The following TRPM1 variants were observed in gnomAD, a reference collection of about 807,000 sequenced individuals.
TRPM1 encodes transient receptor potential cation channel subfamily M member 1, also known as TRPM1-203 APA Isoform, Intron 10.
Under a neutral mutation model 149.4 loss-of-function variants are expected in TRPM1, and 113 were observed. The observed-to-expected ratio is 0.76, with a 90% CI of 0.65 to 0.88. The LOEUF (loss-of-function observed/expected upper bound fraction) is 0.88. TRPM1 is among the 40% of genes least tolerant of loss of function. TRPM1 has a pLI of 0.00. For synonymous variants in TRPM1, 741 were observed against 759.5 expected, an observed-to-expected ratio of 0.98 and a Z score of 0.40; for missense variants, 1,976 against 2,038.7, an observed-to-expected ratio of 0.97 and a Z score of 0.59.
intron 27 of TRPM1, among the ~76,000 whole-genome samples, chr15:31,012,995 T>A (rs990822566): frequency 6.8e-6 from 1 of 147,752 alleles, no homozygotes; most frequent in Non-Finnish European, 1.5e-5. Flanking sequence ...TTTCTTTTTT[T>A]TTTTTGACAC....
intron 1 of TRPM1, among the ~76,000 whole-genome samples, chr15:31,113,287 C>T (rs2035728558): frequency 6.6e-6 from 1 of 152,196 alleles, no homozygotes; most frequent in African/African-American, 2.4e-5. Flanking sequence ...GCCTGCTCCT[C>T]CCTAACTCTC....
intron 1 of TRPM1, among the ~76,000 whole-genome samples, chr15:31,116,423 C>A (rs1036821795): frequency 5.3e-5 from 8 of 152,054 alleles, no homozygotes; most frequent in Non-Finnish European, 1.0e-4. Flanking sequence ...GTCTGGCCAA[C>A]ACGGCGAAAC....
At chr15:31,136,832 G>A (rs1166376932) in intron 1 of TRPM1, among the ~76,000 whole-genome samples, 1 of 136,148 alleles carries the variant, frequency 7.3e-6, no homozygotes, top group Non-Finnish European at 1.5e-5. Flanking sequence ...ATAAAGTATT[G>A]CCCAATTCTA....
At chr15:31,041,189 C>G (rs1272411030) in intron 17 of TRPM1, among the ~76,000 whole-genome samples, 2 of 151,542 alleles carry the variant, frequency 1.3e-5, no homozygotes, top group Non-Finnish European at 2.9e-5. Context: ...GAGTCTCACT[C>G]TATCACCCAG....
chr15:31,011,309 T>C (rs2140877418), intron 27 of TRPM1, among the ~76,000 whole-genome samples: 1 of 152,340 alleles, frequency 6.6e-6, no homozygotes, highest in South Asian at 2.1e-4. Flanking sequence ...TCTGCCATAC[T>C]GCTATTTATT....
rs751155272 is a variant in TRPM1 at position 31,030,998 on chromosome 15, C to T, written c.3112G>A (p.Ala1038Thr). 3 of 1,614,056 alleles carry T rather than the reference C, an allele frequency of 1.9e-6. No individual in the cohort carries two copies. The South Asian group carries it at 3.3e-5, about 18-fold the overall frequency. The change falls in exon 23 of 28, where the codon GCA (alanine) becomes ACA (threonine). Residue 1038 changes from alanine (A) to threonine (T), a missense_variant. By Grantham distance (58) the Ala-to-Thr change is moderately conservative (BLOSUM62 0). Transcript: ENST00000256552. The stretch of plus-strand genomic sequence containing the variant: ...CTACTCTTACGGTCTATCTGGTCTG[C>T]AAACACCTCTCCATAGATCATCCAG... ...PYWMIYGEVFADQIDLYAMEI... is the reference protein window; with the variant it reads ...PYWMIYGEVFTDQIDLYAMEI...
At chr15:31,015,809 C>T (rs1299063552) in intron 27 of TRPM1, among the ~76,000 whole-genome samples, 1 of 152,096 alleles carries the variant, frequency 6.6e-6, no homozygotes, top group East Asian at 1.9e-4. Context: ...ATCTTAACAC[C>T]CTATAGAGAT....
intron 1 of TRPM1, among the ~76,000 whole-genome samples, chr15:31,087,230 G>GGTTTT (rs1486533022): frequency 1.1e-5 from 1 of 87,468 alleles, no homozygotes; most frequent in Non-Finnish European, 2.3e-5. Flanking sequence ...TCTCAATAGG[G>GGTTTT]ATTTTTTTTT....
At chr15:31,158,006 T>TA (rs780491667) in intron 1 of TRPM1, among the ~76,000 whole-genome samples, 4 of 152,086 alleles carry the variant, frequency 2.6e-5, no homozygotes, top group Non-Finnish European at 2.9e-5. Flanking sequence ...TGCAACGAGA[T>TA]AGAATGAAAA....
At chr15:31,160,423 T>A (rs2036429763) in intron 1 of TRPM1, among the ~76,000 whole-genome samples, 1 of 152,174 alleles carries the variant, frequency 6.6e-6, no homozygotes, top group South Asian at 2.1e-4. Flanking sequence ...TAGATGCTGC[T>A]GCCTGCTTTC....
At chr15:31,061,349 C>G in intron 10 of TRPM1, 93 bp downstream of exon 10, 1 of 1,285,064 alleles carries the variant, frequency 7.8e-7, no homozygotes. Context: ...GGGTCTAGCA[C>G]CAGCAGACAT....
At chr15:31,019,484 C>T (rs748913175) in intron 27 of TRPM1, among the ~76,000 whole-genome samples, 53 of 152,348 alleles carry the variant, frequency 3.5e-4, no homozygotes, top group Non-Finnish European at 6.2e-4. Context: ...TCAGTGCAAC[C>T]TTCGCCTCTC....
At chr15:31,023,573 G>A (rs2032621548) in intron 27 of TRPM1, among the ~76,000 whole-genome samples, 1 of 152,180 alleles carries the variant, frequency 6.6e-6, no homozygotes, top group African/African-American at 2.4e-5. Context: ...AGGTGCGTTG[G>A]GGTAGGGATG....
chr15:31,068,375 A>G (rs147438874), intron 4 of TRPM1, among the ~76,000 whole-genome samples: 5 of 152,248 alleles, frequency 3.3e-5, no homozygotes, highest in Admixed American at 3.3e-4. Flanking sequence ...CAATAGTGTT[A>G]AGAGGTGGGA....
rs1230131641 is a variant in TRPM1, at chr15:31,013,145, T to G, written c.3630-10075A>C. On this transcript the variant is annotated intron_variant, in intron 27 of 27. Coordinates refer to ENST00000256552, the MANE Select transcript of TRPM1 (RefSeq NM_001252024.2). ...ACCGGCACCACCATGCTCTGCCAGT[T>G]GCCATGATATGCACCACCATGCCTG... Among the ~76,000 whole-genome samples the G allele has an allele frequency of 1.4e-4, 22 of 151,892 alleles. No individual in the cohort carries two copies. The South Asian group carries it at 4.2e-3, about 29-fold the overall frequency.
At chr15:31,018,751 C>T (rs944087685) in intron 27 of TRPM1, among the ~76,000 whole-genome samples, 19 of 152,310 alleles carry the variant, frequency 1.2e-4, no homozygotes, top group Middle Eastern at 3.4e-3. Flanking sequence ...CTGCAAACTC[C>T]GCCTCTCCGG....
At chr15:31,056,779 C>T (rs956522449) in intron 11 of TRPM1, among the ~76,000 whole-genome samples, 4 of 152,186 alleles carry the variant, frequency 2.6e-5, no homozygotes, top group Admixed American at 6.5e-5. Flanking sequence ...CTTACCCTTT[C>T]ACCTCCCACC....
chr15:31,100,223 C>T (rs375802051), intron 1 of TRPM1, among the ~76,000 whole-genome samples: 34 of 151,862 alleles, frequency 2.2e-4, no homozygotes, highest in South Asian at 6.3e-4. Flanking sequence ...ACTACAGGCG[C>T]GCACTACCAT....
intron 24 of TRPM1, 74 bp downstream of exon 24, chr15:31,029,297 A>T: frequency 6.9e-7 from 1 of 1,454,998 alleles, no homozygotes; most frequent in Non-Finnish European, 9.7e-7. Flanking sequence ...TAAGACTACT[A>T]GTAATCAGCT....
Sources: allele counts gnomAD v4.1 joint callset (sites outside exome capture counted in the v4.1 genomes callset), GRCh38; gene constraint gnomAD v4.1.1; transcripts MANE v1.5; gene names NCBI Gene and HGNC (gene_info 2026-07-23, HGNC 2026-07-21).